Variants in RIN3 observed in about 807,000 individuals in gnomAD.
RIN3 encodes the protein Ras and Rab interactor 3.
RIN3 carries 54 observed loss-of-function variants against 76.3 expected under a neutral mutation model. The ratio of observed to expected loss-of-function variants is 0.71; its 90% CI spans 0.57 to 0.89. RIN3 has a LOEUF of 0.89. Among genes scored for constraint, RIN3 ranks in the 40% least tolerant of loss-of-function variants. RIN3 has a pLI of 0.00. For missense variants in RIN3, 1,256 were observed against 1,322.1 expected, an observed-to-expected ratio of 0.95 and a Z score of 0.78; for synonymous variants, 576 against 564.0, an observed-to-expected ratio of 1.02 and a Z score of -0.30.
At chr14:92,604,401 C>A (rs1354108838) in intron 3 of RIN3, among the ~76,000 whole-genome samples, 1 of 152,252 alleles carries the variant, frequency 6.6e-6, no homozygotes, top group African/African-American at 2.4e-5. Context: ...TCTCACCCAT[C>A]TGGGTAATAG....
intron 7 of RIN3, among the ~76,000 whole-genome samples, chr14:92,666,856 C>T (rs1294231280): frequency 6.6e-6 from 1 of 152,160 alleles, no homozygotes; most frequent in African/African-American, 2.4e-5. Flanking sequence ...CCAGAGGCTG[C>T]CTTTTCAGCT....
At position 92,535,793 on chromosome 14, in the gene RIN3, G is replaced by A. The variant is rs913224112; in HGVS notation, c.45-19958G>A. ...GGGTTCAAGCGATTCTCCTGCCTCAGCCTCCTGAGTAGCTGGGATTATAGG... is the reference window on the plus strand; with the variant it reads ...GGGTTCAAGCGATTCTCCTGCCTCAACCTCCTGAGTAGCTGGGATTATAGG... On this transcript the variant is annotated intron_variant, in intron 1 of 9. Coordinates refer to ENST00000216487, the MANE Select transcript of RIN3 (RefSeq NM_024832.5). Among the ~76,000 whole-genome samples the A allele has an allele frequency of 1.3e-4, 20 of 149,760 alleles. 1 individual carries two copies. Among genetic ancestry groups the A allele is most frequent in the Admixed American group, 5.3e-4 (8 of 14,990 alleles).
chr14:92,590,834 T>G (rs1351611232), intron 3 of RIN3, among the ~76,000 whole-genome samples: 1 of 152,140 alleles, frequency 6.6e-6, no homozygotes, highest in Non-Finnish European at 1.5e-5. Context: ...ACCCATAGGA[T>G]TTAGAACTCT....
chr14:92,617,177 G>A (rs1465859873), intron 4 of RIN3, among the ~76,000 whole-genome samples: 1 of 152,012 alleles, frequency 6.6e-6, no homozygotes, highest in Non-Finnish European at 1.5e-5. Context: ...GCGGGCGCCT[G>A]TAATCCTAGC....
chr14:92,670,835 C>T (rs1487854162), intron 7 of RIN3, among the ~76,000 whole-genome samples: 1 of 152,136 alleles, frequency 6.6e-6, no homozygotes, highest in Non-Finnish European at 1.5e-5. Context: ...GCTCTGTGTT[C>T]TTGTTGGTAG....
intron 7 of RIN3, among the ~76,000 whole-genome samples, chr14:92,669,325 G>T (rs1054552838): frequency 5.9e-5 from 9 of 152,204 alleles, no homozygotes; most frequent in African/African-American, 7.2e-5. Flanking sequence ...AGGGTAGGGG[G>T]TCTGAGGAGT....
intron 4 of RIN3, among the ~76,000 whole-genome samples, chr14:92,624,367 G>C (rs186612769): frequency 2.6e-5 from 4 of 152,282 alleles, no homozygotes; most frequent in East Asian, 1.9e-4. Context: ...GGTTTAGGGT[G>C]GGGGAGGAAT....
intron 7 of RIN3, among the ~76,000 whole-genome samples, chr14:92,661,758 C>CACACACACACAA (rs373869994): frequency 3.3e-4 from 44 of 133,288 alleles, no homozygotes; most frequent in East Asian, 1.3e-3. Context: ...CACACACACA[C>CACACACACACAA]AAAAAATAGA....
chr14:92,543,332 G>A (rs147813768), intron 1 of RIN3, among the ~76,000 whole-genome samples: 7 of 152,156 alleles, frequency 4.6e-5, no homozygotes, highest in Admixed American at 2.0e-4. Context: ...TCAGGGGAAC[G>A]GATTTCATCT....
chr14:92,678,624 T>C (rs1426419981), intron 8 of RIN3, among the ~76,000 whole-genome samples: 1 of 150,414 alleles, frequency 6.6e-6, no homozygotes, highest in Non-Finnish European at 1.5e-5. Flanking sequence ...TCCACCCACC[T>C]ACGCAATCAC....
chr14:92,641,712 A>G (rs1384895747), intron 5 of RIN3, among the ~76,000 whole-genome samples: 1 of 152,202 alleles, frequency 6.6e-6, no homozygotes, highest in African/African-American at 2.4e-5. Context: ...AGCAGCATGA[A>G]TGTGACCATG....
intron 1 of RIN3, among the ~76,000 whole-genome samples, chr14:92,540,584 T>C (rs1897111065): frequency 6.6e-6 from 1 of 152,222 alleles, no homozygotes; most frequent in African/African-American, 2.4e-5. Flanking sequence ...GGGACCTCCA[T>C]GGTCAGCCTG....
chr14:92,582,018 T>A (rs926180107), intron 3 of RIN3, among the ~76,000 whole-genome samples: 2 of 152,274 alleles, frequency 1.3e-5, no homozygotes, highest in Middle Eastern at 3.4e-3. Context: ...AGGAAACTGA[T>A]CAGATATTGA....
In RIN3 at chr14:92,652,789, C is replaced by G; in HGVS notation, c.1740C>G (p.His580Gln). Residue 580 changes from histidine to glutamine, a missense_variant, in exon 6 of 10, where the codon CAC (histidine) becomes CAG (glutamine). Physicochemically the swap from His to Gln is conservative, Grantham distance 24. This residue lies in a region of RIN3 where 428 missense variants were observed against 521.2 expected (regional missense o/e 0.82). Coordinates refer to ENST00000216487, the MANE Select transcript of RIN3 (RefSeq NM_024832.5). This position sits in a 1 kb window ranked among gnomAD's most constrained non-coding sequence, Gnocchi z 6.4. ...CCATGATCCTGGGCAAGGCTCGGCA[C>G]CGGCTGAGCTTTGCCAGTTTCAGCA... ...KPSMILGKAR[H>Q]RLSFASFSSM... is the part of the protein sequence containing the mutation. The G allele has an allele frequency of 5.0e-6, 8 of 1,614,056 alleles. No homozygotes were observed. Among genetic ancestry groups the G allele is most frequent in the Non-Finnish European group, 6.8e-6 (8 of 1,180,040 alleles).
At chr14:92,528,374 G>A (rs72697231) in intron 1 of RIN3, among the ~76,000 whole-genome samples, 1 of 152,174 alleles carries the variant, frequency 6.6e-6, no homozygotes, top group Admixed American at 6.5e-5. Flanking sequence ...TGGGGTTGAC[G>A]TTCCACTCTC....
At chr14:92,630,410 T>G (rs2146497) in intron 4 of RIN3, among the ~76,000 whole-genome samples, 122,514 of 152,124 alleles carry the variant, frequency 0.81, 50,139 homozygotes, top group African/African-American at 0.88. Flanking sequence ...GAGAACGGCT[T>G]GAACCCAGGA....
At chr14:92,522,555 T>A (rs1896628954) in intron 1 of RIN3, among the ~76,000 whole-genome samples, 1 of 152,216 alleles carries the variant, frequency 6.6e-6, no homozygotes, top group South Asian at 2.1e-4. Flanking sequence ...TTCGATGGTG[T>A]CATCATATTA....
At chr14:92,602,171 G>A (rs11628180) in intron 3 of RIN3, among the ~76,000 whole-genome samples, 39,581 of 152,104 alleles carry the variant, frequency 0.26, 5,598 homozygotes, top group South Asian at 0.37. Flanking sequence ...TGGAAGCTTC[G>A]TCCAGGGCCA....
chr14:92,575,549 A>G (rs1455108153), intron 2 of RIN3, among the ~76,000 whole-genome samples: 1 of 152,128 alleles, frequency 6.6e-6, no homozygotes, highest in East Asian at 1.9e-4. Flanking sequence ...GTGTTCCAGG[A>G]AAGGGGTGGG....
Sources: gnomAD v4.1 joint callset for allele counts (sites outside exome capture counted in the v4.1 genomes callset) on GRCh38, gnomAD v4.1.1 for gene constraint, gnomAD v4.1.1 regional missense constraint, Gnocchi (gnomAD v3.1) non-coding constraint, MANE v1.5 for transcripts, NCBI Gene and HGNC (gene_info 2026-07-23, HGNC 2026-07-21) for gene names.